Variants in PCDHGA2 observed in about 807,000 individuals in gnomAD.
PCDHGA2 encodes protocadherin gamma subfamily A, 2, also known as protocadherin gamma-A2.
PCDHGA2 carries 40 observed loss-of-function variants against 59.2 expected under a neutral mutation model. The ratio of observed to expected loss-of-function variants is 0.68; its 90% CI spans 0.52 to 0.88. The LOEUF is 0.88. Among genes scored for constraint, PCDHGA2 ranks in the 40% least tolerant of loss-of-function variants. The pLI, the probability that PCDHGA2 is intolerant of heterozygous loss-of-function variation, is 0.00. For missense variants in PCDHGA2, 1,226 were observed against 1,204.0 expected, an observed-to-expected ratio of 1.02 and a Z score of -0.27; for synonymous variants, 560 against 526.0, an observed-to-expected ratio of 1.06 and a Z score of -0.89.
chr5:141,365,149 A>G, intron 1 of PCDHGA2: 1 of 1,613,978 alleles, frequency 6.2e-7, no homozygotes, highest in South Asian at 1.1e-5. Context: ...ATGAGGGAAT[A>G]AACGGGAAAT....
intron 1 of PCDHGA2, among the ~76,000 whole-genome samples, chr5:141,471,118 A>G (rs58897068): frequency 0.11 from 15,938 of 141,604 alleles, 871 homozygotes; most frequent in South Asian, 0.16. Flanking sequence ...GTGCGATCTT[A>G]CCTTCACTGC....
chr5:141,429,105 C>A (rs936114624), intron 1 of PCDHGA2: 2 of 152,318 alleles, frequency 1.3e-5, no homozygotes, highest in African/African-American at 4.8e-5. Flanking sequence ...CTGCCCGCCT[C>A]GGCCTCCCAA....
At chr5:141,385,409 T>C in intron 1 of PCDHGA2, 1 of 1,478,112 alleles carries the variant, frequency 6.8e-7, no homozygotes, top group South Asian at 1.4e-5. Context: ...GTTTTGAAAA[T>C]AGGGATTTAA....
chr5:141,419,358 C>A (rs569760413), intron 1 of PCDHGA2: 1 of 1,613,810 alleles, frequency 6.2e-7, no homozygotes, highest in South Asian at 1.1e-5. Flanking sequence ...GAGTCACGAA[C>A]GCTGTCGTCC....
At position 141,363,955 on chromosome 5, in the gene PCDHGA2, A is replaced by C. The variant is rs139714384; in HGVS notation, c.2424+22560A>C. 3.1e-4 allele frequency among the ~76,000 whole-genome samples: 47 copies of C among 152,356 alleles called. No individual in the cohort carries two copies. The East Asian group carries it at 8.9e-3, about 29-fold the overall frequency. ...TCTAATAATCATATTGATCTCAGGG[A>C]TTGTGGAAGTCTTGCTATTCAGAAT... On this transcript the variant is annotated intron_variant, in intron 1 of 3. Coordinates refer to ENST00000394576, the MANE Select transcript of PCDHGA2 (RefSeq NM_018915.4).
At position 141,410,026 on chromosome 5, in the gene PCDHGA2, G is replaced by A. The variant is rs571122351; in HGVS notation, c.2424+68631G>A. 37 of 1,613,302 alleles carry A rather than the reference G, an allele frequency of 2.3e-5. 2 individuals carry two copies. The East Asian group carries it at 8.0e-4, about 35-fold the overall frequency. On this transcript the variant is annotated intron_variant, in intron 1 of 3. Coordinates refer to ENST00000394576, the MANE Select transcript of PCDHGA2 (RefSeq NM_018915.4). ...ACAACGCCTGGCTGTCCTACCACGTGCTGCAGGCCAGTGAGCCCGGACTCT... is the reference window on the plus strand; with the variant it reads ...ACAACGCCTGGCTGTCCTACCACGTACTGCAGGCCAGTGAGCCCGGACTCT...
intron 1 of PCDHGA2, chr5:141,346,498 A>G: frequency 6.2e-7 from 1 of 1,611,398 alleles, no homozygotes; most frequent in Non-Finnish European, 8.5e-7. Flanking sequence ...AACAAATATG[A>G]GAATGTGGTT....
intron 1 of PCDHGA2, chr5:141,426,408 G>A (rs2096933631): frequency 1.2e-5 from 3 of 258,388 alleles, no homozygotes; most frequent in South Asian, 4.8e-5. Flanking sequence ...CAGAAGAAAC[G>A]GTCCAGGGCT....
intron 2 of PCDHGA2, among the ~76,000 whole-genome samples, chr5:141,503,340 T>A (rs1394172617): frequency 6.6e-6 from 1 of 152,064 alleles, no homozygotes; most frequent in African/African-American, 2.4e-5. Flanking sequence ...CTCACGCCTG[T>A]AATTCCAGCA....
In PCDHGA2 at chr5:141,432,038, C is replaced by T. The variant is rs202246871; in HGVS notation, c.2425-62769C>T. ...CAACATCACAGTGACCGCCACTGAC[C>T]GGGGAACCCCGCCCCTATCCACGGA... On this transcript the variant is annotated intron_variant, in intron 1 of 3. Coordinates refer to ENST00000394576, the MANE Select transcript of PCDHGA2 (RefSeq NM_018915.4). The surrounding 1 kb of genome is among the most constrained non-coding windows in gnomAD (Gnocchi z 6.0). 15 of 1,614,190 alleles carry T rather than the reference C, an allele frequency of 9.3e-6. No individual in the cohort carries two copies. The African/African-American group carries it at 1.5e-4, about 16-fold the overall frequency.
intron 3 of PCDHGA2, among the ~76,000 whole-genome samples, chr5:141,505,720 G>A (rs1251781594): frequency 2.2e-4 from 34 of 152,212 alleles, no homozygotes; most frequent in Non-Finnish European, 2.9e-5. Context: ...GACTCATGGA[G>A]GGAATAGTGG....
intron 1 of PCDHGA2, chr5:141,365,026 C>G (rs897510737): frequency 2.5e-6 from 4 of 1,613,890 alleles, no homozygotes; most frequent in Non-Finnish European, 3.4e-6. Flanking sequence ...GTGTTACGGT[C>G]CTCGACGCAA....
At position 141,489,733 on chromosome 5, in the gene PCDHGA2, A is replaced by C; in HGVS notation, c.2425-5074A>C. ...TGCCCAGGATCCGGATGTGGGCACC[A>C]ATACTGTGAGCTTTTACACTCTAAG... On this transcript the variant is annotated intron_variant, in intron 1 of 3. Coordinates refer to ENST00000394576, the MANE Select transcript of PCDHGA2 (RefSeq NM_018915.4). This position sits in a 1 kb window ranked among gnomAD's most constrained non-coding sequence, Gnocchi z 4.5. 1 of 1,614,168 alleles carries C rather than the reference A, an allele frequency of 6.2e-7. No individual in the cohort carries two copies. The highest frequency in any genetic ancestry group is 1.1e-5 in the South Asian group (1 of 91,078).
intron 1 of PCDHGA2, chr5:141,357,041 C>T (rs1760441542): frequency 6.2e-7 from 1 of 1,614,006 alleles, no homozygotes; most frequent in African/African-American, 1.3e-5. Context: ...TCCAGCGAGC[C>T]GGGACTATTT....
chr5:141,389,424 G>A lies in PCDHGA2; in HGVS notation c.2424+48029G>A, dbSNP rs746873845. 51 of 1,613,390 alleles carry A rather than the reference G, an allele frequency of 3.2e-5. No homozygotes were observed. Among genetic ancestry groups the A allele is most frequent in the East Asian group, 8.9e-5 (4 of 44,896 alleles). The stretch of plus-strand genomic sequence containing the variant: ...AAGCGCGGAGAGCGGGGTGGTGTTC[G>A]CGCAGCGCGCCTTCGACCACGAGCA... On this transcript the variant is annotated intron_variant, in intron 1 of 3. Transcript: ENST00000394576.
At chr5:141,506,188 C>T (rs925159785) in intron 3 of PCDHGA2, among the ~76,000 whole-genome samples, 2 of 152,058 alleles carry the variant, frequency 1.3e-5, no homozygotes, top group African/African-American at 4.8e-5. Flanking sequence ...TGGTGGCTCA[C>T]GCCTGTAATC....
intron 1 of PCDHGA2, chr5:141,413,664 T>A: frequency 6.2e-7 from 1 of 1,613,858 alleles, no homozygotes; most frequent in Non-Finnish European, 8.5e-7. Flanking sequence ...AAGCTATTGA[T>A]CCGGATGTGG....
chr5:141,461,138 C>T (rs1416058747), intron 1 of PCDHGA2, among the ~76,000 whole-genome samples: 1 of 151,942 alleles, frequency 6.6e-6, no homozygotes, highest in East Asian at 1.9e-4. Flanking sequence ...ACTTATTTTC[C>T]TTTGGGTAGA....
At chr5:141,417,690 A>T in intron 1 of PCDHGA2, 1 of 1,077,126 alleles carries the variant, frequency 9.3e-7, no homozygotes, top group East Asian at 2.6e-5. Context: ...AGAAAAGAAA[A>T]CCAGCTCCCA....
Sources: gnomAD v4.1 joint callset for allele counts (sites outside exome capture counted in the v4.1 genomes callset) on GRCh38, gnomAD v4.1.1 for gene constraint, Gnocchi (gnomAD v3.1) non-coding constraint, MANE v1.5 for transcripts, NCBI Gene and HGNC (gene_info 2026-07-23, HGNC 2026-07-21) for gene names.